Variants in TAS2R1 observed in about 807,000 individuals in gnomAD.
The protein encoded by TAS2R1 is taste 2 receptor member 1.
For synonymous variants in TAS2R1, 141 were observed against 134.2 expected (o/e 1.05, Z -0.35); for missense variants, 370 against 353.4 (o/e 1.05, Z -0.38).
intron 1 of TAS2R1, among the ~76,000 whole-genome samples, chr5:9,687,208 T>C (rs1284180257): frequency 6.6e-6 from 1 of 152,100 alleles, no homozygotes; most frequent in Non-Finnish European, 1.5e-5. Flanking sequence ...CGACCTCAGG[T>C]GATTGCTCGC....
the TAS2R1 span, among the ~76,000 whole-genome samples, chr5:9,861,037 G>GTTTTTTTTTTTTTTTT: frequency 5.2e-4 from 46 of 88,582 alleles, 2 homozygotes; most frequent in Middle Eastern, 0.015. Context: ...GGAAGATGAG[G>GTTTTTTTTTTTTTTTT]TTTTTTTTTT....
At chr5:9,810,442 T>C in the TAS2R1 span, among the ~76,000 whole-genome samples, 2 of 152,306 alleles carry the variant, frequency 1.3e-5, no homozygotes, top group African/African-American at 4.8e-5. Flanking sequence ...AGATAAATTC[T>C]TCTCCTCACT....
chr5:9,729,099 TA>T, the TAS2R1 span, among the ~76,000 whole-genome samples: 1 of 152,222 alleles, frequency 6.6e-6, no homozygotes, highest in Non-Finnish European at 1.5e-5. Context: ...TCCCATTTTA[TA>T]AAAACTCATA....
At chr5:9,881,782 T>C in the TAS2R1 span, among the ~76,000 whole-genome samples, 1 of 152,204 alleles carries the variant, frequency 6.6e-6, no homozygotes, top group Non-Finnish European at 1.5e-5. Context: ...TAATAAATGA[T>C]GCTGGGAGAA....
the TAS2R1 span, among the ~76,000 whole-genome samples, chr5:9,737,364 T>C: frequency 6.6e-6 from 1 of 152,220 alleles, no homozygotes; most frequent in Non-Finnish European, 1.5e-5. Flanking sequence ...ACAAGTTATT[T>C]AACTTCCCAC....
the TAS2R1 span, among the ~76,000 whole-genome samples, chr5:9,860,424 A>G: frequency 6.6e-6 from 1 of 152,158 alleles, no homozygotes; most frequent in Non-Finnish European, 1.5e-5. Flanking sequence ...TCATCTCTCC[A>G]GACTCTGAGT....
chr5:9,636,878 C>T (rs1739974137), intron 2 of TAS2R1, among the ~76,000 whole-genome samples: 1 of 151,976 alleles, frequency 6.6e-6, no homozygotes, highest in Non-Finnish European at 1.5e-5. Context: ...ATCCATTCTG[C>T]CATTCTGGGT....
the TAS2R1 span, among the ~76,000 whole-genome samples, chr5:9,740,053 G>C: frequency 1.3e-5 from 2 of 152,244 alleles, no homozygotes; most frequent in South Asian, 4.2e-4. Context: ...GGGATCACAG[G>C]AGTTGTCTAG....
chr5:9,726,623 C>T, the TAS2R1 span, among the ~76,000 whole-genome samples: 4 of 152,174 alleles, frequency 2.6e-5, no homozygotes, highest in Admixed American at 6.5e-5. Context: ...GAAGAAACTT[C>T]GAACACATCC....
the TAS2R1 span, among the ~76,000 whole-genome samples, chr5:9,744,524 G>C: frequency 6.6e-6 from 1 of 151,698 alleles, no homozygotes; most frequent in Non-Finnish European, 1.5e-5. Context: ...TAGGGGTTGA[G>C]AAATACCCTC....
the TAS2R1 span, among the ~76,000 whole-genome samples, chr5:9,769,456 G>C: frequency 6.6e-6 from 1 of 152,056 alleles, no homozygotes; most frequent in Non-Finnish European, 1.5e-5. Context: ...ATTATATAAA[G>C]GTTCTATTTA....
chr5:9,741,645 C>G, the TAS2R1 span, among the ~76,000 whole-genome samples: 1 of 152,140 alleles, frequency 6.6e-6, no homozygotes, highest in Admixed American at 6.5e-5. Flanking sequence ...AGAAGGGGAT[C>G]TGGGTTCTCA....
At chr5:9,831,721 C>T in the TAS2R1 span, among the ~76,000 whole-genome samples, 20 of 151,816 alleles carry the variant, frequency 1.3e-4, no homozygotes, top group African/African-American at 4.3e-4. Flanking sequence ...ACTGTAATAT[C>T]AACTCCTTGT....
At chr5:9,862,467 G>A in the TAS2R1 span, among the ~76,000 whole-genome samples, 3 of 152,162 alleles carry the variant, frequency 2.0e-5, no homozygotes, top group South Asian at 4.1e-4. Flanking sequence ...ACCGCACAGA[G>A]CCCTCTGCTT....
chr5:9,676,234 G>A (rs1740872355), intron 1 of TAS2R1, among the ~76,000 whole-genome samples: 2 of 152,134 alleles, frequency 1.3e-5, no homozygotes, highest in South Asian at 4.1e-4. Context: ...TTGATGAGCT[G>A]TTGAATTCAG....
intron 1 of TAS2R1, among the ~76,000 whole-genome samples, chr5:9,665,202 C>T (rs979726144): frequency 2.6e-5 from 4 of 152,194 alleles, no homozygotes; most frequent in Middle Eastern, 3.2e-3. Flanking sequence ...CATCTGTGAG[C>T]AAGCCATGAC....
At chr5:9,667,917 T>G (rs1740669817) in intron 1 of TAS2R1, among the ~76,000 whole-genome samples, 1 of 152,188 alleles carries the variant, frequency 6.6e-6, no homozygotes, top group African/African-American at 2.4e-5. Flanking sequence ...GCAATGGTTC[T>G]TAACCAGGCT....
intron 2 of TAS2R1, among the ~76,000 whole-genome samples, chr5:9,650,305 C>T (rs1263559536): frequency 6.6e-6 from 1 of 151,730 alleles, no homozygotes; most frequent in Admixed American, 6.6e-5. Flanking sequence ...TTTCCTAAAC[C>T]AGCCTCTGCA....
chr5:9,801,057 TG>T, the TAS2R1 span, among the ~76,000 whole-genome samples: 1 of 152,178 alleles, frequency 6.6e-6, no homozygotes, highest in African/African-American at 2.4e-5. Flanking sequence ...GCTGGCATGG[TG>T]GCAGGAGCCT....
Sources: allele counts gnomAD v4.1 joint callset (sites outside exome capture counted in the v4.1 genomes callset), GRCh38; gene constraint gnomAD v4.1.1; transcripts MANE v1.5; gene names NCBI Gene and HGNC (gene_info 2026-07-23, HGNC 2026-07-21).